The following STK10 variants were observed in gnomAD, a reference collection of about 807,000 sequenced individuals.
STK10 encodes serine/threonine kinase 10.
STK10 carries 78 observed loss-of-function variants against 113.8 expected under a neutral mutation model. That is an observed-to-expected ratio of 0.69 (90% CI 0.57 to 0.83). The LOEUF is 0.83. Ranked by LOEUF, STK10 falls within the 40% of genes least tolerant of loss-of-function variation. The probability of loss-of-function intolerance (pLI) is 0.00; values close to 1 mark genes in which losing one functional copy is unlikely to be tolerated. For synonymous variants in STK10, 465 were observed against 494.7 expected (o/e 0.94, Z 0.80); for missense variants, 1,109 against 1,280.1 (o/e 0.87, Z 2.04).
In STK10 at chr5:172,049,868, T is replaced by C. The variant is rs558594568; in HGVS notation, c.2766+3061A>G. Reference sequence around the variant, plus strand: ...CCCAGGCTGGAGTGAAGTGGTGAGATCTTGGCTCACTGCAAACTCTGCCCG... The same window carrying C: ...CCCAGGCTGGAGTGAAGTGGTGAGACCTTGGCTCACTGCAAACTCTGCCCG... On this transcript the variant is annotated intron_variant, in intron 18 of 18. Transcript: ENST00000176763. 1.1e-4 allele frequency among the ~76,000 whole-genome samples: 16 copies of C among 152,292 alleles called. No individual in the cohort carries two copies. The South Asian group carries it at 3.1e-3, about 30-fold the overall frequency.
rs567695643 is a variant in STK10 at position 172,156,410 on chromosome 5, T to C, written c.321+214A>G. On this transcript the variant is annotated intron_variant, in intron 2 of 18. Coordinates refer to ENST00000176763, the MANE Select transcript of STK10 (RefSeq NM_005990.4). ...GGGATTCGAGGCCAGGCCATAGCGC[T>C]TTCTGTTCCAAATCACTAGTTCTAC... Among the ~76,000 whole-genome samples the C allele has an allele frequency of 5.9e-5, 9 of 152,330 alleles. No homozygotes were observed. In the East Asian group the frequency reaches 1.4e-3, roughly 23 times the overall value.
At chr5:172,146,566 G>A (rs1770090760) in intron 2 of STK10, among the ~76,000 whole-genome samples, 1 of 152,220 alleles carries the variant, frequency 6.6e-6, no homozygotes, top group Non-Finnish European at 1.5e-5. Context: ...TGAATCCAGA[G>A]TGGTCACCTG....
chr5:172,068,799 T>A lies in STK10; in HGVS notation c.1990-3987A>T, dbSNP rs541355129. 9.9e-5 allele frequency among the ~76,000 whole-genome samples: 15 copies of A among 151,724 alleles called. No homozygotes were observed. In the South Asian group the frequency reaches 2.9e-3, roughly 29 times the overall value. Reference sequence around the variant, plus strand: ...AAACCCTGTCTCTAGGCATGAGAACTGCTTGAACCCAGGAGGCAGAGGTTG... The same window carrying A: ...AAACCCTGTCTCTAGGCATGAGAACAGCTTGAACCCAGGAGGCAGAGGTTG... On this transcript the variant is annotated intron_variant, in intron 12 of 18. Transcript: ENST00000176763.
At chr5:172,181,062 C>G (rs1372842943) in intron 1 of STK10, among the ~76,000 whole-genome samples, 41 of 152,170 alleles carry the variant, frequency 2.7e-4, no homozygotes, top group Admixed American at 2.7e-3. Context: ...CACACAGGCA[C>G]ACACCTCTGA....
chr5:172,057,285 G>A (rs943957391), intron 15 of STK10, 64 bp downstream of exon 15: 3 of 1,546,860 alleles, frequency 1.9e-6, no homozygotes, highest in East Asian at 2.4e-5. Context: ...ATCACATACA[G>A]CCTCATGGCT....
intron 17 of STK10, among the ~76,000 whole-genome samples, chr5:172,053,778 G>A (rs905106343): frequency 6.6e-6 from 1 of 152,254 alleles, no homozygotes; most frequent in Non-Finnish European, 1.5e-5. Flanking sequence ...GCTTCTGGGA[G>A]TTTAGAACTT....
At chr5:172,065,208 A>G (rs1319339350) in intron 12 of STK10, among the ~76,000 whole-genome samples, 2 of 152,094 alleles carry the variant, frequency 1.3e-5, no homozygotes, top group Admixed American at 1.3e-4. Flanking sequence ...AGTCCAACAG[A>G]CAATATCGTC....
chr5:172,096,363 A>C, intron 8 of STK10, 63 bp downstream of exon 8: 1 of 1,592,186 alleles, frequency 6.3e-7, no homozygotes, highest in Admixed American at 1.7e-5. Context: ...CTCCCACACC[A>C]GCAGGGCCAG....
intron 7 of STK10, 169 bp downstream of exon 7, chr5:172,105,487 C>T (rs1769079167): frequency 8.6e-6 from 6 of 694,988 alleles, no homozygotes; most frequent in Non-Finnish European, 1.2e-5. Flanking sequence ...CAAGGCACTC[C>T]CAACACAGAG....
At chr5:172,109,499 G>A (rs752560181) in intron 4 of STK10, among the ~76,000 whole-genome samples, 5 of 151,776 alleles carry the variant, frequency 3.3e-5, no homozygotes, top group Non-Finnish European at 7.4e-5. Context: ...TTGTAGAGAT[G>A]GAGTCTCTAT....
intron 1 of STK10, among the ~76,000 whole-genome samples, chr5:172,183,887 T>C (rs1489060588): frequency 6.6e-6 from 1 of 152,130 alleles, no homozygotes; most frequent in African/African-American, 2.4e-5. Context: ...CTCCTCTTTT[T>C]CTCCTGAGGC....
chr5:172,085,497 T>C (rs1379049025), intron 10 of STK10, among the ~76,000 whole-genome samples: 1 of 151,976 alleles, frequency 6.6e-6, no homozygotes, highest in African/African-American at 2.4e-5. Context: ...AAAACCAGCC[T>C]GGCCAACATG....
chr5:172,127,833 C>G (rs1581169284), intron 2 of STK10, among the ~76,000 whole-genome samples: 1 of 152,364 alleles, frequency 6.6e-6, no homozygotes, highest in South Asian at 2.1e-4. Flanking sequence ...TGGCCAAGTC[C>G]TCTCAGAATC....
At chr5:172,107,664 C>T (rs1272702842) in intron 5 of STK10, 116 bp downstream of exon 5, 13 of 593,420 alleles carry the variant, frequency 2.2e-5, no homozygotes, top group Admixed American at 1.6e-4. Flanking sequence ...TAGTAAGCCA[C>T]GAGGCAGGGC....
At position 172,136,190 on chromosome 5, in the gene STK10, T is replaced by A. The variant is rs144925861; in HGVS notation, c.322-8769A>T. ...AACAACTGTATGACAACAAATTGAA[T>A]AAACTAGATGAAATAGAAAAATTCC... On this transcript the variant is annotated intron_variant, in intron 2 of 18. Coordinates refer to ENST00000176763, the MANE Select transcript of STK10 (RefSeq NM_005990.4). Among the ~76,000 whole-genome samples, 822 of 152,200 alleles carry A rather than the reference T, an allele frequency of 5.4e-3. 13 individuals are homozygous for A. Among genetic ancestry groups the A allele is most frequent in the African/African-American group, 0.019 (787 of 41,512 alleles).
chr5:172,060,760 A>C (rs1288989862), intron 14 of STK10, among the ~76,000 whole-genome samples: 4 of 152,252 alleles, frequency 2.6e-5, no homozygotes, highest in Non-Finnish European at 5.9e-5. Context: ...GCCCTGCCTC[A>C]CAGTGTTAGG....
Position 172,106,808 on chromosome 5 carries a change from G to A in STK10, c.600C>T (p.Ala200=), listed in dbSNP as rs1769124394. ...DSFIGTPYWM[A]PEVVMCETMK... ...TGGTCTCACACATGACCACCTCGGG[G>A]GCCATCCTGAACCAACCAAGGGACA... The change falls in exon 6 of 19, where the codon GCC becomes GCT. Residue 200 remains alanine, a synonymous_variant. Coordinates refer to ENST00000176763, the MANE Select transcript of STK10 (RefSeq NM_005990.4). 2 of 1,613,860 alleles carry A rather than the reference G, an allele frequency of 1.2e-6. No individual in the cohort carries two copies. Among genetic ancestry groups the A allele is most frequent in the African/African-American group, 2.7e-5 (2 of 74,920 alleles).
At position 172,061,207 on chromosome 5, in the gene STK10, G is replaced by T. The variant is rs746936663; in HGVS notation, c.2144C>A (p.Thr715Asn). The T allele has an allele frequency of 1.2e-6, 2 of 1,613,546 alleles. No homozygotes were observed. Among genetic ancestry groups the T allele is most frequent in the African/African-American group, 2.7e-5 (2 of 74,950 alleles). Reference sequence around the variant, plus strand: ...GTCACAGATCTCCCGCCTGTTGTCGGTGGTGAGCCTCTTCATGGCCAGCTC... The same window carrying T: ...GTCACAGATCTCCCGCCTGTTGTCGTTGGTGAGCCTCTTCATGGCCAGCTC... ...DLELAMKRLT[T>N]DNRREICDKE... Residue 715 changes from threonine to asparagine, a missense_variant, in exon 14 of 19, where the codon ACC (threonine) becomes AAC (asparagine). Transcript: ENST00000176763.
intron 3 of STK10, among the ~76,000 whole-genome samples, chr5:172,126,644 C>T (rs944003629): frequency 2.0e-5 from 3 of 152,216 alleles, no homozygotes; most frequent in Non-Finnish European, 4.4e-5. Flanking sequence ...GTGGTTACCA[C>T]ACTCTCTGGC....
Sources: gnomAD v4.1 joint callset for allele counts (sites outside exome capture counted in the v4.1 genomes callset) on GRCh38, gnomAD v4.1.1 for gene constraint, MANE v1.5 for transcripts, NCBI Gene and HGNC (gene_info 2026-07-23, HGNC 2026-07-21) for gene names.